NTM: variants seen among roughly 807,000 people sequenced by gnomAD.
NTM encodes neurotrimin.
NTM carries 13 observed loss-of-function variants against 42.1 expected under a neutral mutation model. The ratio of observed to expected loss-of-function variants is 0.31; its 90% CI spans 0.20 to 0.49. The LOEUF (loss-of-function observed/expected upper bound fraction) is 0.49. Ranked by LOEUF, NTM falls within the 20% of genes least tolerant of loss-of-function variation. NTM has a pLI of 0.99. For synonymous variants in NTM, 187 were observed against 179.2 expected, an observed-to-expected ratio of 1.04 and a Z score of -0.35; for missense variants, 373 against 452.8, an observed-to-expected ratio of 0.82 and a Z score of 1.60.
At chr11:132,122,283 G>A (rs916428621) in intron 2 of NTM, among the ~76,000 whole-genome samples, 1 of 152,196 alleles carries the variant, frequency 6.6e-6, no homozygotes, top group African/African-American at 2.4e-5. Flanking sequence ...GGCCAAAGTG[G>A]GGTGTGCCCC....
intron 1 of NTM, among the ~76,000 whole-genome samples, chr11:131,563,388 C>G (rs990848599): frequency 1.3e-5 from 2 of 152,030 alleles, no homozygotes; most frequent in African/African-American, 4.8e-5. Flanking sequence ...TTCTAGCAGC[C>G]CCTCTCTGGG....
intron 1 of NTM, among the ~76,000 whole-genome samples, chr11:131,613,198 C>T (rs2061605150): frequency 6.6e-6 from 1 of 152,268 alleles, no homozygotes; most frequent in East Asian, 1.9e-4. Flanking sequence ...TGGCCATCAA[C>T]CCTCAGGTCT....
At chr11:131,491,929 T>C (rs773855820) in intron 1 of NTM, among the ~76,000 whole-genome samples, 11 of 152,228 alleles carry the variant, frequency 7.2e-5, no homozygotes, top group Non-Finnish European at 1.5e-4. Flanking sequence ...GATTATTTTG[T>C]ATTCGGCACT....
At chr11:131,432,474 C>G (rs1948730460) in intron 1 of NTM, among the ~76,000 whole-genome samples, 1 of 152,130 alleles carries the variant, frequency 6.6e-6, no homozygotes, top group South Asian at 2.1e-4. Context: ...CCTGAGATGA[C>G]AAAGATCAAC....
At chr11:131,763,842 C>A (rs946717448) in intron 1 of NTM, among the ~76,000 whole-genome samples, 11 of 148,792 alleles carry the variant, frequency 7.4e-5, no homozygotes, top group Non-Finnish European at 1.2e-4. Flanking sequence ...GTAACCATTA[C>A]ATAATTCTTC....
intron 1 of NTM, among the ~76,000 whole-genome samples, chr11:131,574,395 T>C (rs1014598860): frequency 6.6e-6 from 1 of 152,138 alleles, no homozygotes; most frequent in Non-Finnish European, 1.5e-5. Context: ...GCGTTGTTCA[T>C]ACTCTATTTT....
intron 1 of NTM, among the ~76,000 whole-genome samples, chr11:131,442,255 C>T (rs887081085): frequency 1.3e-5 from 2 of 152,056 alleles, no homozygotes; most frequent in Non-Finnish European, 2.9e-5. Flanking sequence ...TGTTTGCATC[C>T]GTGGTTGAGA....
chr11:131,902,739 TA>T (rs2053347009), intron 1 of NTM, among the ~76,000 whole-genome samples: 1 of 152,212 alleles, frequency 6.6e-6, no homozygotes, highest in Non-Finnish European at 1.5e-5. Flanking sequence ...TCCACATTTC[TA>T]ATAAAGAATA....
intron 2 of NTM, among the ~76,000 whole-genome samples, chr11:132,060,168 TTTGGCA>T (rs1329785974): frequency 1.3e-5 from 2 of 152,198 alleles, no homozygotes; most frequent in African/African-American, 4.8e-5. Context: ...AAGACCACAC[TTTGGCA>T]TTATACGTCT....
At chr11:131,371,483 C>T (rs900083878) in intron 1 of NTM, among the ~76,000 whole-genome samples, 3 of 151,860 alleles carry the variant, frequency 2.0e-5, no homozygotes, top group Non-Finnish European at 4.4e-5. Flanking sequence ...TGGCTGGGGT[C>T]GGAGGTGTGG....
intron 1 of NTM, among the ~76,000 whole-genome samples, chr11:131,892,750 T>C (rs1428870321): frequency 1.3e-5 from 2 of 152,244 alleles, no homozygotes; most frequent in Non-Finnish European, 2.9e-5. Context: ...AGCCATAGCT[T>C]TGACCTTGCC....
intron 1 of NTM, among the ~76,000 whole-genome samples, chr11:131,679,706 C>T (rs77866804): frequency 0.025 from 3,729 of 151,770 alleles, 170 homozygotes; most frequent in African/African-American, 0.086. Flanking sequence ...GTTACAGCAT[C>T]TGTATCGCTT....
At chr11:131,391,259 C>G (rs150711116) in intron 1 of NTM, among the ~76,000 whole-genome samples, 1 of 152,072 alleles carries the variant, frequency 6.6e-6, no homozygotes, top group Non-Finnish European at 1.5e-5. Context: ...TTCATTCTCA[C>G]GCAGCCTCTC....
At chr11:132,272,818 T>C (rs1810456297) in intron 4 of NTM, among the ~76,000 whole-genome samples, 1 of 152,150 alleles carries the variant, frequency 6.6e-6, no homozygotes, top group Admixed American at 6.5e-5. Flanking sequence ...CATTTGTGAA[T>C]AGATTTACTT....
intron 1 of NTM, chr11:131,911,291 A>G: frequency 7.0e-7 from 1 of 1,428,592 alleles, no homozygotes; most frequent in Non-Finnish European, 9.2e-7. Flanking sequence ...GCAAAAGCCG[A>G]GGCTGGATTT....
Position 131,681,580 on chromosome 11 carries a change from CCT to C in NTM, c.83-229983_83-229982del, listed in dbSNP as rs1474063343. On this transcript the variant is annotated intron_variant, in intron 1 of 8. Coordinates refer to ENST00000683400, the MANE Select transcript of NTM (RefSeq NM_001352005.2). Reference sequence around the variant, plus strand: ...ATTTCTGTGTCTGTGTGTATGTCTCCCTGTGTATGTGAGCTTGTTTCTGTGTC... The same window carrying C: ...ATTTCTGTGTCTGTGTGTATGTCTCCGTGTATGTGAGCTTGTTTCTGTGTC... Among the ~76,000 whole-genome samples the C allele has an allele frequency of 1.0e-4, 4 of 38,144 alleles. 2 individuals are homozygous for C. Among genetic ancestry groups the C allele is most frequent in the Non-Finnish European group, 2.6e-4 (4 of 15,440 alleles). 25.0% of individuals were successfully genotyped at this position (38,144 alleles called of 152,430 possible). A position where few individuals can be genotyped will look rare whatever the true frequency, so the allele number is the denominator to read the frequency against.
rs190669296 is a variant in NTM, at chr11:131,914,882, G to A, written c.167+3234G>A. On this transcript the variant is annotated intron_variant, in intron 2 of 8. Transcript: ENST00000683400. ...TATCTCACCTATCATTCAGCCTCAT[G>A]ACATTAACACTTTAATAACAGCCCT... is the stretch of plus-strand genomic sequence containing the variant. 2.0e-5 allele frequency among the ~76,000 whole-genome samples: 3 copies of A among 152,302 alleles called. No individual in the cohort carries two copies. In the East Asian group the frequency reaches 5.8e-4, roughly 29 times the overall value.
At chr11:131,892,379 A>G (rs1277278823) in intron 1 of NTM, among the ~76,000 whole-genome samples, 2 of 152,372 alleles carry the variant, frequency 1.3e-5, no homozygotes, top group Admixed American at 6.5e-5. Flanking sequence ...AAGTTTATCA[A>G]CCATTTCATG....
intron 1 of NTM, among the ~76,000 whole-genome samples, chr11:131,644,312 T>C (rs1489771326): frequency 1.3e-5 from 2 of 152,196 alleles, no homozygotes; most frequent in African/African-American, 4.8e-5. Flanking sequence ...TATACCTAAA[T>C]AGGTGATCAT....
Sources: gnomAD v4.1 joint callset for allele counts (sites outside exome capture counted in the v4.1 genomes callset) on GRCh38, gnomAD v4.1.1 for gene constraint, MANE v1.5 for transcripts, NCBI Gene and HGNC (gene_info 2026-07-23, HGNC 2026-07-21) for gene names.